PHF21B: variants seen among roughly 807,000 people sequenced by gnomAD.
PHF21B encodes PHD finger protein 21B.
A neutral mutation model predicts 62.2 loss-of-function variants in PHF21B; 22 were observed. The observed-to-expected ratio is 0.35, with a 90% CI of 0.25 to 0.51. PHF21B has a LOEUF of 0.51. Ranked by LOEUF, PHF21B falls within the 20% of genes least tolerant of loss-of-function variation. The pLI is 0.97. For missense variants in PHF21B, 701 were observed against 707.9 expected (o/e 0.99, Z 0.11); for synonymous variants, 341 against 314.7 (o/e 1.08, Z -0.88).
intron 2 of PHF21B, among the ~76,000 whole-genome samples, chr22:44,998,506 G>A (rs2073158101): frequency 6.6e-6 from 1 of 152,164 alleles, no homozygotes; most frequent in Admixed American, 6.6e-5. Context: ...CGGGTAAGAT[G>A]AGGGGCTTGG....
chr22:44,959,220 T>C (rs1276947860), intron 2 of PHF21B, among the ~76,000 whole-genome samples: 2 of 152,232 alleles, frequency 1.3e-5, no homozygotes, highest in Non-Finnish European at 1.5e-5. Flanking sequence ...GCATGCCTTC[T>C]GGAGGGCCTG....
At chr22:44,895,620 T>C (rs1294181481) in intron 6 of PHF21B, among the ~76,000 whole-genome samples, 4 of 152,166 alleles carry the variant, frequency 2.6e-5, no homozygotes, top group Non-Finnish European at 4.4e-5. Context: ...AGAAGTAACC[T>C]GCCCACACTT....
At chr22:44,895,705 T>G (rs1017372480) in intron 6 of PHF21B, among the ~76,000 whole-genome samples, 1 of 152,156 alleles carries the variant, frequency 6.6e-6, no homozygotes, top group Admixed American at 6.5e-5. Flanking sequence ...ACACGGTCCC[T>G]CCGCTGAAAC....
intron 2 of PHF21B, among the ~76,000 whole-genome samples, chr22:44,962,705 T>A (rs1451725970): frequency 2.0e-5 from 3 of 152,156 alleles, no homozygotes; most frequent in African/African-American, 7.2e-5. Flanking sequence ...TAACCCAGCG[T>A]CTTGCTCAGA....
rs368526689 is a variant in PHF21B, at chr22:45,008,527, C to G, written c.120+18G>C. The stretch of plus-strand genomic sequence containing the variant: ...CCTCCCGCCCCATCCCAGGGGGGGC[C>G]GCGATCCCATCGCTTACTTGTTTGT... On this transcript the variant is annotated intron_variant, in intron 2 of 12. Transcript: ENST00000313237. The G allele has an allele frequency of 6.4e-7, 1 of 1,559,940 alleles. No homozygotes were observed. The highest frequency in any genetic ancestry group is 8.7e-7 in the Non-Finnish European group (1 of 1,150,822).
intron 2 of PHF21B, among the ~76,000 whole-genome samples, chr22:44,933,265 C>G (rs1176014249): frequency 6.6e-6 from 1 of 152,232 alleles, no homozygotes; most frequent in African/African-American, 2.4e-5. Context: ...GCATGTGCCA[C>G]CACGCCTGGC....
At chr22:44,884,619 A>G (rs1453542905) in intron 12 of PHF21B, among the ~76,000 whole-genome samples, 1 of 151,832 alleles carries the variant, frequency 6.6e-6, no homozygotes, top group East Asian at 1.9e-4. Context: ...CATAATCACC[A>G]CCATAATCAC....
At chr22:44,987,538 G>A (rs962757564) in intron 2 of PHF21B, among the ~76,000 whole-genome samples, 7 of 152,098 alleles carry the variant, frequency 4.6e-5, no homozygotes, top group Non-Finnish European at 1.5e-5. Flanking sequence ...AACTAACAAG[G>A]GTCCAACGTG....
Position 44,903,963 on chromosome 22 carries a change from T to C in PHF21B, c.832-7880A>G, listed in dbSNP as rs561390282. Among the ~76,000 whole-genome samples, 4 of 152,366 alleles carry C rather than the reference T, an allele frequency of 2.6e-5. 1 individual carries two copies. The highest frequency in any genetic ancestry group is 9.6e-5 in the African/African-American group (4 of 41,590). On this transcript the variant is annotated intron_variant, in intron 5 of 12. Transcript: ENST00000313237. ...ATGGTTACTGAGTTATTTGGACTTA[T>C]TTCCTCTACTTTATTTGTATTTTCA... is the stretch of plus-strand genomic sequence containing the variant.
intron 6 of PHF21B, 52 bp downstream of exon 6, chr22:44,895,980 G>A (rs898459817): frequency 3.0e-5 from 48 of 1,604,432 alleles, no homozygotes; most frequent in Middle Eastern, 1.7e-4. Context: ...CCAACACCCC[G>A]GCTTTCGGGT....
chr22:44,962,305 G>A (rs56166537), intron 2 of PHF21B, among the ~76,000 whole-genome samples: 5 of 152,018 alleles, frequency 3.3e-5, no homozygotes, highest in African/African-American at 1.2e-4. Context: ...CTCAACTTAC[G>A]ATGAAGTTAC....
At chr22:44,915,476 AT>A (rs1353081584) in intron 4 of PHF21B, among the ~76,000 whole-genome samples, 2 of 152,204 alleles carry the variant, frequency 1.3e-5, no homozygotes, top group Non-Finnish European at 2.9e-5. Context: ...CCCTCCTGGG[AT>A]ACACCTGCCA....
intron 2 of PHF21B, among the ~76,000 whole-genome samples, chr22:44,989,944 C>T (rs181621853): frequency 6.6e-6 from 1 of 152,314 alleles, no homozygotes; most frequent in Admixed American, 6.5e-5. Flanking sequence ...GTGTTTAACG[C>T]CAATGCAAAT....
chr22:44,922,614 A>G (rs1486223293), intron 2 of PHF21B, among the ~76,000 whole-genome samples: 1 of 152,168 alleles, frequency 6.6e-6, no homozygotes, highest in Non-Finnish European at 1.5e-5. Flanking sequence ...CCTGGGCAAC[A>G]AGAGTGAAAC....
intron 2 of PHF21B, among the ~76,000 whole-genome samples, chr22:44,976,712 A>G (rs2072744412): frequency 6.6e-6 from 1 of 152,240 alleles, no homozygotes; most frequent in Non-Finnish European, 1.5e-5. Flanking sequence ...TTGAGGCAGG[A>G]AGCCCCACAC....
intron 2 of PHF21B, among the ~76,000 whole-genome samples, chr22:44,962,949 C>G (rs537510494): frequency 2.0e-4 from 30 of 152,352 alleles, no homozygotes; most frequent in Admixed American, 1.6e-3. Flanking sequence ...TAAAACAAAT[C>G]ATGACTCGTT....
intron 2 of PHF21B, among the ~76,000 whole-genome samples, chr22:44,929,038 G>A (rs1034468927): frequency 6.6e-6 from 1 of 152,194 alleles, no homozygotes; most frequent in Non-Finnish European, 1.5e-5. Context: ...TCTCCACATG[G>A]CCCAGCCGCC....
At chr22:44,976,154 G>A (rs1672005822) in intron 2 of PHF21B, among the ~76,000 whole-genome samples, 1 of 152,208 alleles carries the variant, frequency 6.6e-6, no homozygotes, top group Non-Finnish European at 1.5e-5. Context: ...CTGGGCGACA[G>A]AGCAAGACCC....
intron 2 of PHF21B, among the ~76,000 whole-genome samples, chr22:44,931,996 G>A (rs960182611): frequency 2.6e-4 from 40 of 152,288 alleles, no homozygotes; most frequent in African/African-American, 7.9e-4. Flanking sequence ...TCTAAGCTGC[G>A]TCCCCCAGGA....
Sources: gnomAD v4.1 joint callset for allele counts (sites outside exome capture counted in the v4.1 genomes callset) on GRCh38, gnomAD v4.1.1 for gene constraint, MANE v1.5 for transcripts, NCBI Gene and HGNC (gene_info 2026-07-23, HGNC 2026-07-21) for gene names.